The following ACADSB variants were observed in gnomAD, a reference collection of about 807,000 sequenced individuals.
The protein encoded by ACADSB is acyl-CoA dehydrogenase short/branched chain, also known as short/branched chain specific acyl-CoA dehydrogenase, mitochondrial.
A neutral mutation model predicts 54.1 loss-of-function variants in ACADSB; 40 were observed. The observed-to-expected ratio is 0.74, with a 90% CI of 0.57 to 0.96. The LOEUF (loss-of-function observed/expected upper bound fraction) is 0.96, where lower values mean the gene tolerates loss of function less well. Ranked by LOEUF, ACADSB falls within the 40% of genes least tolerant of loss-of-function variation. The pLI, the probability that ACADSB is intolerant of heterozygous loss-of-function variation, is 0.00. For synonymous variants in ACADSB, 182 were observed against 182.8 expected, an observed-to-expected ratio of 1.00 and a Z score of 0.03; for missense variants, 530 against 510.4, an observed-to-expected ratio of 1.04 and a Z score of -0.37.
chr10:123,058,115 A>G lies in ACADSB; in HGVS notation c.*4350A>G, dbSNP rs1053706420. On this transcript the variant is annotated 3_prime_UTR_variant, in exon 11 of 11. Coordinates refer to ENST00000358776, the MANE Select transcript of ACADSB (RefSeq NM_001609.4). ...TGTGGGATCCTTTGGTTTCATTGTT[A>G]TGATGTATTTTATAAATGTACTAGT... is the stretch of plus-strand genomic sequence containing the variant. 6.6e-6 allele frequency: 1 copy of G among 152,196 alleles called. No individual in the cohort carries two copies. The highest frequency in any genetic ancestry group is 1.5e-5 in the Non-Finnish European group (1 of 68,030). 9.4% of individuals were successfully genotyped at this position (152,196 alleles called of 1,614,324 possible). A position where few individuals can be genotyped will look rare whatever the true frequency, so the allele number is the denominator to read the frequency against.
At chr10:123,030,186 G>A (rs1589736751) in intron 1 of ACADSB, among the ~76,000 whole-genome samples, 1 of 152,132 alleles carries the variant, frequency 6.6e-6, no homozygotes, top group African/African-American at 2.4e-5. Context: ...ATTGTCCAAA[G>A]TGATTGCAAC....
chr10:123,020,030 A>G (rs1414062711), intron 1 of ACADSB, among the ~76,000 whole-genome samples: 1 of 152,184 alleles, frequency 6.6e-6, no homozygotes, highest in East Asian at 1.9e-4. Flanking sequence ...TCTTAGGTTC[A>G]GTGACTGGGG....
chr10:123,028,240 G>A (rs191164630), intron 1 of ACADSB, among the ~76,000 whole-genome samples: 39 of 118,418 alleles, frequency 3.3e-4, no homozygotes, highest in Admixed American at 1.2e-3. Flanking sequence ...AAATGTTACT[G>A]TAATAAACTA....
intron 1 of ACADSB, among the ~76,000 whole-genome samples, chr10:123,028,987 C>G (rs927326299): frequency 3.3e-5 from 5 of 152,132 alleles, no homozygotes; most frequent in Admixed American, 2.0e-4. Context: ...ATACACACAA[C>G]CCACCTTTGC....
chr10:123,053,114 C>T lies in ACADSB; in HGVS notation c.1182C>T (p.Tyr394=), dbSNP rs1270633127. The change falls in exon 10 of 11, where the codon TAC becomes TAT. Residue 394 remains tyrosine, a synonymous_variant. Coordinates refer to ENST00000358776, the MANE Select transcript of ACADSB (RefSeq NM_001609.4). ...KCIEWMGGVG[Y]TKDYPVEKYF... ...TCGAGTGGATGGGGGGAGTAGGCTA[C>T]ACCAAAGATTACCCTGTGGAGAAAT... The T allele has an allele frequency of 6.2e-7, 1 of 1,613,814 alleles. No homozygotes were observed. The highest frequency in any genetic ancestry group is 8.5e-7 in the Non-Finnish European group (1 of 1,179,948).
intron 7 of ACADSB, among the ~76,000 whole-genome samples, chr10:123,046,377 G>A (rs1007156203): frequency 1.3e-5 from 2 of 152,152 alleles, no homozygotes; most frequent in African/African-American, 4.8e-5. Flanking sequence ...ACCTAATGTT[G>A]AAATTTAGAA....
intron 8 of ACADSB, among the ~76,000 whole-genome samples, chr10:123,049,135 G>C (rs1850596857): frequency 6.6e-6 from 1 of 152,136 alleles, no homozygotes; most frequent in South Asian, 2.1e-4. Context: ...AAGAAATTTT[G>C]ATCTTAAAAA....
intron 1 of ACADSB, among the ~76,000 whole-genome samples, chr10:123,030,526 CAAAAA>C (rs66574740): frequency 1.0e-5 from 1 of 95,890 alleles, no homozygotes; most frequent in Admixed American, 1.1e-4. Context: ...GACTCTGTCT[CAAAAA>C]AAAAAAAAAA....
chr10:123,053,575 A>T (rs1850660976), intron 10 of ACADSB, 120 bp from the exon 11 acceptor site: 1 of 855,050 alleles, frequency 1.2e-6, no homozygotes, highest in African/African-American at 1.7e-5. Flanking sequence ...TTCAGGGGAC[A>T]TGAAGTGATG....
chr10:123,036,445 T>C (rs1331987398), intron 2 of ACADSB, among the ~76,000 whole-genome samples: 1 of 152,230 alleles, frequency 6.6e-6, no homozygotes, highest in East Asian at 1.9e-4. Flanking sequence ...GGAAGTGAGT[T>C]TGGGATAGCT....
intron 10 of ACADSB, 57 bp downstream of exon 10, chr10:123,053,217 T>G (rs1850656679): frequency 2.8e-6 from 4 of 1,410,182 alleles, no homozygotes; most frequent in Middle Eastern, 1.8e-4. Context: ...CTGTAGGTAT[T>G]TTGGCTGTTT....
chr10:123,009,139 A>G, intron 1 of ACADSB, 68 bp downstream of exon 1: 1 of 1,505,280 alleles, frequency 6.6e-7, no homozygotes, highest in South Asian at 1.2e-5. Context: ...CGCAGCTGGC[A>G]GAGCCTTCTA....
In ACADSB at chr10:123,050,046, G is replaced by A. The variant is rs547516532; in HGVS notation, c.991-1003G>A. The stretch of plus-strand genomic sequence containing the variant: ...TTATAGCCTACATATACGGAACATC[G>A]TCTCTTTTTGTACATACGAAATTGT... On this transcript the variant is annotated intron_variant, in intron 8 of 10. Coordinates refer to ENST00000358776, the MANE Select transcript of ACADSB (RefSeq NM_001609.4). Among the ~76,000 whole-genome samples, 6 of 152,272 alleles carry A rather than the reference G, an allele frequency of 3.9e-5. No individual in the cohort carries two copies. In the South Asian group the frequency reaches 6.2e-4, roughly 16 times the overall value.
rs538664607 is a variant in ACADSB at position 123,037,094 on chromosome 10, G to A, written c.203-653G>A. 4.6e-5 allele frequency among the ~76,000 whole-genome samples: 7 copies of A among 152,308 alleles called. No individual in the cohort carries two copies. In the South Asian group the frequency reaches 1.2e-3, roughly 27 times the overall value. ...GCAACATTTAGAGACATTTTTGATT[G>A]CCACAACTTAGAAGTAGGGGACGCT... is the stretch of plus-strand genomic sequence containing the variant. On this transcript the variant is annotated intron_variant, in intron 2 of 10. Coordinates refer to ENST00000358776, the MANE Select transcript of ACADSB (RefSeq NM_001609.4).
At chr10:123,043,622 T>C (rs1850507243) in intron 6 of ACADSB, among the ~76,000 whole-genome samples, 1 of 152,182 alleles carries the variant, frequency 6.6e-6, no homozygotes, top group East Asian at 1.9e-4. Context: ...GAGAACTCCC[T>C]GTAGGTGGGG....
chr10:123,030,139 AAAC>A (rs1473327519), intron 1 of ACADSB, among the ~76,000 whole-genome samples: 1 of 152,220 alleles, frequency 6.6e-6, no homozygotes. Context: ...GGACACATGC[AAAC>A]CATGTCATAT....
At chr10:123,034,298 A>G in intron 1 of ACADSB, 58 bp from the exon 2 acceptor site, 2 of 1,562,358 alleles carry the variant, frequency 1.3e-6, no homozygotes, top group Non-Finnish European at 1.8e-6. Context: ...TTATAAAGTC[A>G]TTCCCAAAGA....
At chr10:123,027,156 G>C (rs1850265714) in intron 1 of ACADSB, among the ~76,000 whole-genome samples, 1 of 152,150 alleles carries the variant, frequency 6.6e-6, no homozygotes, top group African/African-American at 2.4e-5. Flanking sequence ...TCCAAAGTCA[G>C]GCATGTAAAC....
At chr10:123,036,050 C>A (rs575818110) in intron 2 of ACADSB, among the ~76,000 whole-genome samples, 3 of 152,140 alleles carry the variant, frequency 2.0e-5, no homozygotes, top group Admixed American at 6.6e-5. Flanking sequence ...GGAATCTTGG[C>A]ACTGTCTTAG....
Sources: allele counts gnomAD v4.1 joint callset (sites outside exome capture counted in the v4.1 genomes callset), GRCh38; gene constraint gnomAD v4.1.1; transcripts MANE v1.5; gene names NCBI Gene and HGNC (gene_info 2026-07-23, HGNC 2026-07-21).